Variants in NOTCH2 observed in about 807,000 individuals in gnomAD.
NOTCH2 encodes the protein neurogenic locus notch homolog protein 2.
A neutral mutation model predicts 235.8 loss-of-function variants in NOTCH2; 29 were observed. The ratio of observed to expected loss-of-function variants is 0.12; its 90% CI spans 0.09 to 0.17. The LOEUF is 0.17. NOTCH2 is among the 10% of genes least tolerant of loss of function. NOTCH2 has a pLI of 1.00. For missense variants in NOTCH2, 2,285 were observed against 3,150.2 expected, an observed-to-expected ratio of 0.73 and a Z score of 6.57; for synonymous variants, 1,086 against 1,141.5, an observed-to-expected ratio of 0.95 and a Z score of 0.98.
chr1:119,927,175 C>T (rs776694996), intron 23 of NOTCH2, among the ~76,000 whole-genome samples: 36 of 152,224 alleles, frequency 2.4e-4, no homozygotes, highest in South Asian at 4.1e-4. Context: ...AGTTCTAAAA[C>T]GGAAGGCCCC....
At chr1:119,971,296 G>A (rs1651351028) in intron 5 of NOTCH2, among the ~76,000 whole-genome samples, 1 of 152,178 alleles carries the variant, frequency 6.6e-6, no homozygotes, top group African/African-American at 2.4e-5. Context: ...TCCGTGCTCG[G>A]CATAACCCTT....
At position 119,915,674 on chromosome 1, in the gene NOTCH2, T is replaced by G; in HGVS notation, c.7048A>C (p.Ser2350Arg). 6.2e-7 allele frequency: 1 copy of G among 1,613,426 alleles called. No homozygotes were observed. Among genetic ancestry groups the G allele is most frequent in the Non-Finnish European group, 8.5e-7 (1 of 1,179,628 alleles). The change falls in exon 34 of 34, where the codon AGT (serine) becomes CGT (arginine). Residue 2350 changes from serine (S) to arginine (R), a missense_variant. Physicochemically the swap from Ser to Arg is moderately radical, Grantham distance 110 (BLOSUM62 -1). Around this residue, in one of 6 missense-constraint regions of NOTCH2, gnomAD observed 504 missense variants for 538.0 expected, o/e 0.94. Coordinates refer to ENST00000256646, the MANE Select transcript of NOTCH2 (RefSeq NM_024408.4). ...ATCATGGCAGTGGGGAAAGCCACAC[T>G]GGGCAAACGGGCCATTTCTGGAATC... The part of the protein sequence containing the change: ...YQIPEMARLP[S>R]VAFPTAMMPQ...
chr1:119,975,475 G>A (rs587614467), intron 5 of NOTCH2, among the ~76,000 whole-genome samples: 20 of 152,030 alleles, frequency 1.3e-4, no homozygotes, highest in Middle Eastern at 3.4e-3. Context: ...GTGAAACCCC[G>A]TCTTTACTAA....
intron 1 of NOTCH2, among the ~76,000 whole-genome samples, chr1:120,062,957 T>C (rs1400369409): frequency 6.6e-6 from 1 of 152,226 alleles, no homozygotes; most frequent in Non-Finnish European, 1.5e-5. Context: ...ACGTATGTTC[T>C]GCCATACAGA....
chr1:120,011,077 G>A (rs1161877421), intron 2 of NOTCH2, among the ~76,000 whole-genome samples: 1 of 152,166 alleles, frequency 6.6e-6, no homozygotes, highest in Non-Finnish European at 1.5e-5. Flanking sequence ...AAACCGTAGA[G>A]ATAGAAAGTA....
In NOTCH2 at chr1:119,916,143, G is replaced by C; in HGVS notation, c.6579C>G (p.Val2193=). The C allele has an allele frequency of 1.9e-6, 3 of 1,614,196 alleles. No homozygotes were observed. In the South Asian group the frequency reaches 3.3e-5, roughly 18 times the overall value. The change falls in exon 34 of 34, where the codon GTC becomes GTG. Residue 2193 remains valine (V), a synonymous_variant. Transcript: ENST00000256646. ...MLATAAPPAP[V]HAQHALSFSN... is the part of the protein sequence containing the mutation. Reference sequence around the variant, plus strand: ...AAAAAGATAGTGCATGCTGGGCATGGACTGGGGCAGGAGGGGCGGCAGTGG... The same window carrying C: ...AAAAAGATAGTGCATGCTGGGCATGCACTGGGGCAGGAGGGGCGGCAGTGG...
intron 5 of NOTCH2, among the ~76,000 whole-genome samples, chr1:119,982,857 G>T (rs116062645): frequency 0.012 from 1,781 of 152,354 alleles, 16 homozygotes; most frequent in Non-Finnish European, 0.016. Context: ...AAAAACGCCT[G>T]TAGTGGGGTA....
At chr1:119,999,976 A>AAAGG (rs58775950) in intron 3 of NOTCH2, among the ~76,000 whole-genome samples, 3,016 of 56,110 alleles carry the variant, frequency 0.054, 210 homozygotes, top group East Asian at 0.089. Context: ...AGAAAGAAAG[A>AAAGG]AAGGAAGGAA....
intron 17 of NOTCH2, among the ~76,000 whole-genome samples, chr1:119,943,737 A>G (rs1252157727): frequency 6.6e-6 from 1 of 152,208 alleles, no homozygotes; most frequent in East Asian, 1.9e-4. Flanking sequence ...GAACAGAAAC[A>G]TACTCAGGAA....
intron 6 of NOTCH2, among the ~76,000 whole-genome samples, chr1:119,969,260 A>C (rs1651270131): frequency 6.6e-6 from 1 of 152,230 alleles, no homozygotes; most frequent in Admixed American, 6.5e-5. Context: ...CAAAGACAAT[A>C]GTTACTAACT....
intron 25 of NOTCH2, among the ~76,000 whole-genome samples, chr1:119,924,863 T>C (rs587704768): frequency 2.0e-5 from 3 of 152,354 alleles, no homozygotes; most frequent in East Asian, 1.9e-4. Flanking sequence ...GAGCATCCTA[T>C]ACAATTAAGA....
intron 1 of NOTCH2, among the ~76,000 whole-genome samples, chr1:120,047,999 C>T (rs587767393): frequency 6.6e-6 from 1 of 151,588 alleles, no homozygotes; most frequent in Non-Finnish European, 1.5e-5. Flanking sequence ...AACTCCTGAT[C>T]TCGTGATCCG....
intron 12 of NOTCH2, among the ~76,000 whole-genome samples, chr1:119,957,572 T>C (rs1236054338): frequency 6.6e-6 from 1 of 152,002 alleles, no homozygotes; most frequent in Non-Finnish European, 1.5e-5. Context: ...ACCACAGTCA[T>C]CTCTAATGTT....
chr1:119,959,944 A>T (rs1482769058), intron 11 of NOTCH2, among the ~76,000 whole-genome samples: 1 of 152,240 alleles, frequency 6.6e-6, no homozygotes, highest in Non-Finnish European at 1.5e-5. Flanking sequence ...TCGAACCTTG[A>T]GTAATGTCTA....
At chr1:119,954,623 C>T (rs1443968451) in intron 13 of NOTCH2, among the ~76,000 whole-genome samples, 1 of 152,086 alleles carries the variant, frequency 6.6e-6, no homozygotes, top group African/African-American at 2.4e-5. Context: ...CTGAAGCGGC[C>T]CTACTTCAGA....
chr1:119,967,541 C>T lies in NOTCH2; in HGVS notation c.1345G>A (p.Ala449Thr). The T allele has an allele frequency of 6.2e-7, 1 of 1,614,100 alleles. No individual in the cohort carries two copies. Among genetic ancestry groups the T allele is most frequent in the Non-Finnish European group, 8.5e-7 (1 of 1,179,958 alleles). Residue 449 changes from alanine to threonine, a missense_variant, in exon 8 of 34, where the codon GCA (alanine) becomes ACA (threonine). Ala to Thr is a moderately conservative substitution (Grantham distance 58). Transcript: ENST00000256646. ...AFHCECLKGYAGPRCEMDINE... is the reference protein window; with the variant it reads ...AFHCECLKGYTGPRCEMDINE... ...ATGTCCATCTCACAACGAGGTCCTG[C>T]ATAACCCTTCAGACACTCACAGTGG... is the stretch of plus-strand genomic sequence containing the variant.
rs782517126 is a variant in NOTCH2, at chr1:119,940,636, G to A, written c.3102C>T (p.Cys1034=). 15 of 1,613,976 alleles carry A rather than the reference G, an allele frequency of 9.3e-6. No homozygotes were observed. In the East Asian group the frequency reaches 2.0e-4, roughly 22 times the overall value. The change falls in exon 19 of 34, where the codon TGC becomes TGT. Residue 1034 remains cysteine, a synonymous_variant. Coordinates refer to ENST00000256646, the MANE Select transcript of NOTCH2 (RefSeq NM_024408.4). ...CATCAACACACGTTCCCTCATTCAG[G>A]CATGGATGAGAGCTGCATTCATTGA... ...HEINECSSHP[C]LNEGTCVDGL...
At chr1:119,997,385 C>G in intron 3 of NOTCH2, 53 bp from the exon 4 acceptor site, 1 of 1,509,984 alleles carries the variant, frequency 6.6e-7, no homozygotes, top group East Asian at 2.2e-5. Flanking sequence ...GGAGATGGCC[C>G]CATCCTCAAT....
intron 19 of NOTCH2, among the ~76,000 whole-genome samples, chr1:119,938,686 CT>C (rs1195488133): frequency 9.7e-4 from 142 of 145,648 alleles, no homozygotes; most frequent in Admixed American, 1.0e-3. Context: ...TATATTCATT[CT>C]TTTTTTTTTT....
Sources: allele counts gnomAD v4.1 joint callset (sites outside exome capture counted in the v4.1 genomes callset), GRCh38; gene constraint gnomAD v4.1.1; regional missense constraint gnomAD v4.1.1; transcripts MANE v1.5; gene names NCBI Gene and HGNC (gene_info 2026-07-23, HGNC 2026-07-21).